ACAD11: variants seen among roughly 807,000 people sequenced by gnomAD.
The protein encoded by ACAD11 is acyl-Coenzyme A dehydrogenase family, member 11.
In ACAD11, 83 loss-of-function variants were observed where a neutral mutation model predicts 102.2. The observed-to-expected ratio is 0.81, with a 90% CI of 0.68 to 0.97. The LOEUF (loss-of-function observed/expected upper bound fraction) is 0.97, where lower values mean the gene tolerates loss of function less well. Among genes scored for constraint, ACAD11 ranks in the 50% least tolerant of loss-of-function variants. ACAD11 has a pLI of 0.00. For missense variants in ACAD11, 901 were observed against 951.7 expected (o/e 0.95, Z 0.70); for synonymous variants, 324 against 319.8 (o/e 1.01, Z -0.14).
At chr3:132,652,837 T>G (rs1940980198) in intron 1 of ACAD11, among the ~76,000 whole-genome samples, 1 of 151,856 alleles carries the variant, frequency 6.6e-6, no homozygotes, top group Non-Finnish European at 1.5e-5. Flanking sequence ...GGGGTAAAGG[T>G]AATGGGGGAA....
intron 1 of ACAD11, among the ~76,000 whole-genome samples, chr3:132,656,871 T>C (rs1004577955): frequency 7.2e-5 from 11 of 151,970 alleles, no homozygotes; most frequent in African/African-American, 2.7e-4. Context: ...TTAATTTGCA[T>C]TTCCCTTATT....
At chr3:132,641,560 T>TGAAGAAGAAGAAGAAGAA (rs370839030) in intron 4 of ACAD11, among the ~76,000 whole-genome samples, 17 of 99,558 alleles carry the variant, frequency 1.7e-4, no homozygotes, top group African/African-American at 6.0e-4. Flanking sequence ...ATGATGATGA[T>TGAAGAAGAAGAAGAAGAA]GAAGAAGAAG....
chr3:132,625,919 A>C (rs1939789762), intron 9 of ACAD11, among the ~76,000 whole-genome samples: 1 of 152,238 alleles, frequency 6.6e-6, no homozygotes, highest in Non-Finnish European at 1.5e-5. Flanking sequence ...CAAGGCCACC[A>C]AACTTGTGAC....
At position 132,575,772 on chromosome 3, in the gene ACAD11, A is replaced by G; in HGVS notation, c.2001T>C (p.His667=). 6.2e-7 allele frequency: 1 copy of G among 1,614,024 alleles called. No homozygotes were observed. The highest frequency in any genetic ancestry group is 1.7e-5 in the Admixed American group (1 of 60,010). Residue 667 remains histidine (H), a splice_region_variant and synonymous_variant, in exon 17 of 20, where the codon CAT becomes CAC. Coordinates refer to ENST00000264990, the MANE Select transcript of ACAD11 (RefSeq NM_032169.5). ...RIAFKKKLYA[H]EVVAHWIAES... Reference sequence around the variant, plus strand: ...AATTCAAATAAGTAATCGTCCTCACATGTGCATACAACTTCTTCTTGAAAG... The same window carrying G: ...AATTCAAATAAGTAATCGTCCTCACGTGTGCATACAACTTCTTCTTGAAAG...
chr3:132,629,165 C>T (rs1939936543), intron 7 of ACAD11, among the ~76,000 whole-genome samples: 1 of 151,982 alleles, frequency 6.6e-6, no homozygotes, highest in Admixed American at 6.6e-5. Flanking sequence ...TTATGTTGTA[C>T]ATTATTTTTT....
At chr3:132,631,765 C>T (rs375976320) in intron 5 of ACAD11, among the ~76,000 whole-genome samples, 2 of 152,132 alleles carry the variant, frequency 1.3e-5, no homozygotes, top group Non-Finnish European at 2.9e-5. Context: ...AACTTCTCAA[C>T]TGGAAGTAAT....
At chr3:132,639,913 G>T (rs1204780734) in intron 4 of ACAD11, among the ~76,000 whole-genome samples, 2 of 151,378 alleles carry the variant, frequency 1.3e-5, no homozygotes, top group Non-Finnish European at 2.9e-5. Flanking sequence ...AAGAGATATG[G>T]GTTCTAGTCT....
chr3:132,616,704 C>T (rs898972998), intron 11 of ACAD11, among the ~76,000 whole-genome samples: 1 of 152,176 alleles, frequency 6.6e-6, no homozygotes, highest in African/African-American at 2.4e-5. Context: ...AACAAAAAGA[C>T]TACCCATTCA....
chr3:132,601,725 T>C (rs1454953429), intron 13 of ACAD11: 5 of 432,918 alleles, frequency 1.2e-5, no homozygotes, highest in African/African-American at 2.0e-5. Context: ...AGCTTTGTGG[T>C]GATAATTTTG....
chr3:132,650,587 G>A (rs1376213426), intron 1 of ACAD11, among the ~76,000 whole-genome samples: 2 of 152,090 alleles, frequency 1.3e-5, no homozygotes, highest in African/African-American at 2.4e-5. Flanking sequence ...AAATACAGTT[G>A]CACTTTATCC....
chr3:132,579,226 T>C, intron 14 of ACAD11: 2 of 658,608 alleles, frequency 3.0e-6, no homozygotes, highest in South Asian at 4.4e-5. Context: ...ATTTGTCTGA[T>C]AATTTAATCC....
chr3:132,629,729 A>G (rs1323521126), intron 7 of ACAD11, among the ~76,000 whole-genome samples: 2 of 152,094 alleles, frequency 1.3e-5, no homozygotes, highest in Non-Finnish European at 2.9e-5. Context: ...TTCTTTTCCC[A>G]TTATTTTTCA....
At chr3:132,647,553 C>T (rs1940761439) in intron 1 of ACAD11, 1 of 152,304 alleles carries the variant, frequency 6.6e-6, no homozygotes, top group South Asian at 2.1e-4. Context: ...GAAGCATAAA[C>T]AGACAGGAAA....
chr3:132,628,433 C>G lies in ACAD11; in HGVS notation c.977G>C (p.Arg326Thr), dbSNP rs1271874230. 7 of 1,597,430 alleles carry G rather than the reference C, an allele frequency of 4.4e-6. No homozygotes were observed. The highest frequency in any genetic ancestry group is 5.1e-6 in the Non-Finnish European group (6 of 1,169,056). The change falls in exon 8 of 20, where the codon AGA (arginine) becomes ACA (threonine). Residue 326 changes from arginine (R) to threonine (T), a missense_variant. By Grantham distance (71) the Arg-to-Thr change is moderately conservative. Coordinates refer to ENST00000264990, the MANE Select transcript of ACAD11 (RefSeq NM_032169.5). Reference sequence around the variant, plus strand: ...AGATGAATTATTTCCCAGAAGATATCTGCTATATACTCCCTATAAATAAAC... The same window carrying G: ...AGATGAATTATTTCCCAGAAGATATGTGCTATATACTCCCTATAAATAAAC... ...MAGIAQGVYSRYLLGNNSSED... is the reference protein window; with the variant it reads ...MAGIAQGVYSTYLLGNNSSED...
At chr3:132,631,045 C>T (rs1236209860) in intron 6 of ACAD11, among the ~76,000 whole-genome samples, 3 of 151,924 alleles carry the variant, frequency 2.0e-5, no homozygotes, top group African/African-American at 7.3e-5. Context: ...TACTCCAGCC[C>T]GGGTGACAGA....
At chr3:132,639,740 A>G (rs1940413080) in intron 4 of ACAD11, 84 bp from the exon 5 acceptor site, 1 of 1,332,780 alleles carries the variant, frequency 7.5e-7, no homozygotes, top group South Asian at 1.4e-5. Flanking sequence ...CAAAATTCAA[A>G]TGCTGTTTTA....
chr3:132,634,554 G>T (rs1460421223), intron 5 of ACAD11, among the ~76,000 whole-genome samples: 1 of 152,006 alleles, frequency 6.6e-6, no homozygotes, highest in African/African-American at 2.4e-5. Context: ...TCCCATTACT[G>T]GGTATATACC....
intron 13 of ACAD11, among the ~76,000 whole-genome samples, chr3:132,580,401 T>A (rs1173459357): frequency 2.6e-5 from 4 of 151,976 alleles, no homozygotes; most frequent in Non-Finnish European, 5.9e-5. Flanking sequence ...GGGAAATCTA[T>A]AAGACAACTA....
chr3:132,575,554 G>T (rs1937510477), intron 17 of ACAD11, among the ~76,000 whole-genome samples: 1 of 152,090 alleles, frequency 6.6e-6, no homozygotes, highest in African/African-American at 2.4e-5. Flanking sequence ...CTACACTCTT[G>T]TGTGCAGAGG....
Sources: allele counts gnomAD v4.1 joint callset (sites outside exome capture counted in the v4.1 genomes callset), GRCh38; gene constraint gnomAD v4.1.1; transcripts MANE v1.5; gene names NCBI Gene and HGNC (gene_info 2026-07-23, HGNC 2026-07-21).